The following PRKCB variants were observed in gnomAD, a reference collection of about 807,000 sequenced individuals.
PRKCB encodes protein kinase C beta.
PRKCB carries 13 observed loss-of-function variants against 81.5 expected under a neutral mutation model. The ratio of observed to expected loss-of-function variants is 0.16; its 90% CI spans 0.10 to 0.25. The LOEUF (loss-of-function observed/expected upper bound fraction) is 0.25, where lower values mean the gene tolerates loss of function less well. Ranked by LOEUF, PRKCB falls within the 10% of genes least tolerant of loss-of-function variation. The probability of loss-of-function intolerance (pLI) is 1.00; values close to 1 mark genes in which losing one functional copy is unlikely to be tolerated. For synonymous variants in PRKCB, 335 were observed against 321.4 expected (o/e 1.04, Z -0.45); for missense variants, 509 against 875.7 (o/e 0.58, Z 5.29).
chr16:23,978,962 G>A (rs1211924193), intron 2 of PRKCB, among the ~76,000 whole-genome samples: 2 of 152,234 alleles, frequency 1.3e-5, no homozygotes, highest in African/African-American at 4.8e-5. Context: ...AGCAGTGGAT[G>A]TGTTGGAGCA....
Position 24,174,599 on chromosome 16 carries a change from A to G in PRKCB, c.1394+19A>G, listed in dbSNP as rs373295489. On this transcript the variant is annotated intron_variant, in intron 12 of 16. Coordinates refer to ENST00000643927, the MANE Select transcript of PRKCB (RefSeq NM_002738.7). ...TTTACCGGTAAGTGAACACTGCTGTACTTTCCATCTCTTCATCTCCCTCAG... is the reference window on the plus strand; with the variant it reads ...TTTACCGGTAAGTGAACACTGCTGTGCTTTCCATCTCTTCATCTCCCTCAG... 93 of 1,601,042 alleles carry G rather than the reference A, an allele frequency of 5.8e-5. No individual in the cohort carries two copies. The highest frequency in any genetic ancestry group is 7.4e-5 in the Non-Finnish European group (87 of 1,170,150).
chr16:23,908,221 G>T (rs1403490924), intron 2 of PRKCB, among the ~76,000 whole-genome samples: 1 of 152,096 alleles, frequency 6.6e-6, no homozygotes, highest in Non-Finnish European at 1.5e-5. Flanking sequence ...GATTCTTTAT[G>T]ACAGTGCTGC....
chr16:24,219,995 A>G lies in PRKCB; in HGVS notation c.*5179A>G. ...AGAGACACCTCCAACTTCGACAAAGAGTTCACCAGACAGCCTGTGGAACTG... is the reference window on the plus strand; with the variant it reads ...AGAGACACCTCCAACTTCGACAAAGGGTTCACCAGACAGCCTGTGGAACTG... On this transcript the variant is annotated 3_prime_UTR_variant, in exon 17 of 17. Transcript: ENST00000643927. The G allele has an allele frequency of 6.2e-7, 1 of 1,614,130 alleles. No homozygotes were observed. Among genetic ancestry groups the G allele is most frequent in the African/African-American group, 1.3e-5 (1 of 75,038 alleles).
At chr16:23,952,830 G>A (rs761416098) in intron 2 of PRKCB, among the ~76,000 whole-genome samples, 2 of 152,176 alleles carry the variant, frequency 1.3e-5, no homozygotes, top group Admixed American at 6.5e-5. Context: ...GAAATGCACT[G>A]TACACGAATC....
At chr16:24,116,355 G>A (rs893289342) in intron 8 of PRKCB, among the ~76,000 whole-genome samples, 3 of 151,858 alleles carry the variant, frequency 2.0e-5, no homozygotes, top group African/African-American at 4.8e-5. Context: ...CCAGGAGTTC[G>A]AGACCAGCCT....
At chr16:24,197,748 C>A (rs1245963673) in intron 16 of PRKCB, among the ~76,000 whole-genome samples, 1 of 152,098 alleles carries the variant, frequency 6.6e-6, no homozygotes, top group Non-Finnish European at 1.5e-5. Flanking sequence ...AGTTGGCATC[C>A]TCAGGTCCTC....
At chr16:24,057,509 A>G (rs1205238780) in intron 5 of PRKCB, among the ~76,000 whole-genome samples, 1 of 152,174 alleles carries the variant, frequency 6.6e-6, no homozygotes, top group Non-Finnish European at 1.5e-5. Context: ...ATGGGAGGTC[A>G]TTTGCTAGAT....
At chr16:24,132,226 A>T (rs1966854347) in intron 9 of PRKCB, among the ~76,000 whole-genome samples, 2 of 152,192 alleles carry the variant, frequency 1.3e-5, no homozygotes, top group Admixed American at 1.3e-4. Flanking sequence ...GCAGTCTTGT[A>T]ACTCATATCT....
At chr16:24,077,977 C>G (rs1483776273) in intron 5 of PRKCB, among the ~76,000 whole-genome samples, 1 of 152,168 alleles carries the variant, frequency 6.6e-6, no homozygotes, top group African/African-American at 2.4e-5. Flanking sequence ...TTCCTCAGAG[C>G]TGGGAAGGCT....
intron 7 of PRKCB, among the ~76,000 whole-genome samples, chr16:24,108,337 T>TA (rs1293296389): frequency 0.024 from 3,585 of 148,034 alleles, 145 homozygotes; most frequent in African/African-American, 0.086. Context: ...TATTTTATTT[T>TA]TTTTTAAATT....
intron 2 of PRKCB, among the ~76,000 whole-genome samples, chr16:23,857,701 T>TGAGA (rs996795017): frequency 6.7e-6 from 1 of 148,332 alleles, no homozygotes; most frequent in East Asian, 1.9e-4. Flanking sequence ...CTTGAGGATG[T>TGAGA]GAGAGAGAGA....
chr16:24,158,805 T>A (rs1379199901), intron 10 of PRKCB, among the ~76,000 whole-genome samples: 2 of 152,046 alleles, frequency 1.3e-5, no homozygotes, highest in African/African-American at 2.4e-5. Context: ...ACTACAAGCA[T>A]GCATCACCAC....
At chr16:24,078,955 G>A (rs1228691416) in intron 5 of PRKCB, among the ~76,000 whole-genome samples, 1 of 152,178 alleles carries the variant, frequency 6.6e-6, no homozygotes, top group African/African-American at 2.4e-5. Context: ...CACAAAAGTT[G>A]CATGGTTTTG....
chr16:24,112,837 CCAAAACAAA>C, intron 7 of PRKCB, 127 bp from the exon 8 acceptor site: 8 of 208,040 alleles, frequency 3.8e-5, no homozygotes, highest in Non-Finnish European at 7.3e-5. Flanking sequence ...GAAAAACAAA[CCAAAACAAA>C]CCAAAAAACC....
At chr16:24,178,289 A>G (rs563164283) in intron 12 of PRKCB, among the ~76,000 whole-genome samples, 1 of 152,348 alleles carries the variant, frequency 6.6e-6, no homozygotes, top group South Asian at 2.1e-4. Context: ...CTGAAAAATG[A>G]AAATAATTTC....
chr16:24,039,919 G>A (rs1053161427), intron 5 of PRKCB, among the ~76,000 whole-genome samples: 2 of 152,136 alleles, frequency 1.3e-5, no homozygotes, highest in African/African-American at 2.4e-5. Flanking sequence ...AAGGTTGTGC[G>A]GGGTCCTTCC....
At chr16:24,151,474 A>G (rs913986625) in intron 9 of PRKCB, among the ~76,000 whole-genome samples, 6 of 152,250 alleles carry the variant, frequency 3.9e-5, no homozygotes, top group African/African-American at 1.4e-4. Context: ...AAATGTGAAA[A>G]AACGGATATG....
intron 13 of PRKCB, 107 bp from the exon 14 acceptor site, chr16:24,185,003 GA>G (rs1967681634): frequency 1.1e-6 from 1 of 918,398 alleles, no homozygotes; most frequent in African/African-American, 1.7e-5. Context: ...CTAATATAAA[GA>G]AACAGTTCAG....
Position 24,102,939 on chromosome 16 carries a change from G to A in PRKCB, c.821+8642G>A, listed in dbSNP as rs1333787021. On this transcript the variant is annotated intron_variant, in intron 7 of 16. Transcript: ENST00000643927. ...GACGGAGTTTTGCTCTGATGCCCAGGCTGGAGTGCAGTGGCACAGTCTCTG... is the reference window on the plus strand; with the variant it reads ...GACGGAGTTTTGCTCTGATGCCCAGACTGGAGTGCAGTGGCACAGTCTCTG... Among the ~76,000 whole-genome samples the A allele has an allele frequency of 3.9e-5, 6 of 152,154 alleles. 1 individual carries two copies. Among genetic ancestry groups the A allele is most frequent in the Non-Finnish European group, 8.8e-5 (6 of 68,030 alleles).
Sources: allele counts gnomAD v4.1 joint callset (sites outside exome capture counted in the v4.1 genomes callset), GRCh38; gene constraint gnomAD v4.1.1; transcripts MANE v1.5; gene names NCBI Gene and HGNC (gene_info 2026-07-23, HGNC 2026-07-21).